Variants in ELMO1 observed in about 807,000 individuals in gnomAD.
The protein encoded by ELMO1 is engulfment and cell motility protein 1.
A neutral mutation model predicts 98.9 loss-of-function variants in ELMO1; 26 were observed. The ratio of observed to expected loss-of-function variants is 0.26; its 90% CI spans 0.19 to 0.36. The LOEUF is 0.36. Among genes scored for constraint, ELMO1 ranks in the 10% least tolerant of loss-of-function variants. The probability of loss-of-function intolerance (pLI) is 1.00; values close to 1 mark genes in which losing one functional copy is unlikely to be tolerated. For synonymous variants in ELMO1, 346 were observed against 346.0 expected (o/e 1.00, Z 0.00); for missense variants, 627 against 935.2 (o/e 0.67, Z 4.30).
intron 1 of ELMO1, among the ~76,000 whole-genome samples, chr7:37,438,431 CAAAAAAAAAA>C (rs543852959): frequency 8.2e-6 from 1 of 122,564 alleles, no homozygotes; most frequent in East Asian, 2.4e-4. Flanking sequence ...ACTAAAAATA[CAAAAAAAAAA>C]AAAAAAAAAT....
intron 7 of ELMO1, among the ~76,000 whole-genome samples, chr7:37,243,267 C>A (rs989068528): frequency 2.0e-5 from 3 of 152,178 alleles, no homozygotes; most frequent in Non-Finnish European, 2.9e-5. Context: ...TTTGCAAATT[C>A]TGTTAAGTAG....
intron 15 of ELMO1, among the ~76,000 whole-genome samples, chr7:37,018,647 TTG>T (rs1365817335): frequency 5.3e-5 from 8 of 150,838 alleles, no homozygotes; most frequent in Admixed American, 1.3e-4. Flanking sequence ...TGGCTAATTT[TTG>T]TGTTTTTAGT....
intron 15 of ELMO1, among the ~76,000 whole-genome samples, chr7:37,048,833 ATAGT>A (rs1255953190): frequency 6.6e-6 from 1 of 152,176 alleles, no homozygotes; most frequent in African/African-American, 2.4e-5. Flanking sequence ...ACCTATTTGG[ATAGT>A]TAAAGTTCAG....
At chr7:37,065,397 C>T (rs994482338) in intron 15 of ELMO1, among the ~76,000 whole-genome samples, 4 of 152,170 alleles carry the variant, frequency 2.6e-5, no homozygotes, top group African/African-American at 7.2e-5. Flanking sequence ...ATGAGAACTG[C>T]GCTAGCTAAG....
At chr7:37,359,655 C>T (rs144041808) in intron 1 of ELMO1, among the ~76,000 whole-genome samples, 6 of 152,304 alleles carry the variant, frequency 3.9e-5, no homozygotes, top group South Asian at 2.1e-4. Flanking sequence ...CTAGCCCATC[C>T]GAAGGCAGTG....
intron 4 of ELMO1, among the ~76,000 whole-genome samples, chr7:37,290,583 G>C (rs1393113419): frequency 6.6e-6 from 1 of 152,058 alleles, no homozygotes. Context: ...AAAATTCTGA[G>C]GTACCTAGGC....
intron 11 of ELMO1, among the ~76,000 whole-genome samples, chr7:37,215,739 T>C (rs896041241): frequency 6.6e-6 from 1 of 152,248 alleles, no homozygotes; most frequent in African/African-American, 2.4e-5. Context: ...TCCTTGGGCT[T>C]CCCCTGCCTC....
intron 1 of ELMO1, among the ~76,000 whole-genome samples, chr7:37,366,167 A>G (rs73693514): frequency 0.017 from 2,521 of 152,314 alleles, 65 homozygotes; most frequent in African/African-American, 0.056. Context: ...CTCGATTTCT[A>G]TAGCATGTAT....
chr7:36,990,377 T>A (rs191554102), intron 16 of ELMO1, among the ~76,000 whole-genome samples: 1 of 152,294 alleles, frequency 6.6e-6, no homozygotes, highest in Non-Finnish European at 1.5e-5. Flanking sequence ...ATACACCTAA[T>A]GGACTTGTAC....
intron 1 of ELMO1, among the ~76,000 whole-genome samples, chr7:37,444,523 T>A (rs1413611803): frequency 6.6e-6 from 1 of 152,106 alleles, no homozygotes; most frequent in Non-Finnish European, 1.5e-5. Flanking sequence ...AGTGGCATTT[T>A]TTTTTTTGAG....
At position 37,433,791 on chromosome 7, in the gene ELMO1, C is replaced by T. The variant is rs552253488; in HGVS notation, c.-74+14884G>A. Among the ~76,000 whole-genome samples the T allele has an allele frequency of 3.3e-5, 5 of 152,188 alleles. No homozygotes were observed. In the East Asian group the frequency reaches 9.7e-4, roughly 30 times the overall value. ...CCCTGAAAACAATTCCCTATTTTGG[C>T]AGTCATGAACTAGTTTCTCCCCTGT... On this transcript the variant is annotated intron_variant, in intron 1 of 21. Transcript: ENST00000310758.
chr7:37,445,892 T>C (rs1805593345), intron 1 of ELMO1, among the ~76,000 whole-genome samples: 1 of 152,124 alleles, frequency 6.6e-6, no homozygotes, highest in African/African-American at 2.4e-5. Context: ...CAGACTTCTT[T>C]AAAAGACCTT....
At chr7:37,271,594 C>T (rs1267113772) in intron 5 of ELMO1, 1 of 464,322 alleles carries the variant, frequency 2.2e-6, no homozygotes, top group African/African-American at 2.0e-5. Flanking sequence ...GAATTCAAAG[C>T]TATCCTGGGC....
At chr7:36,954,873 G>A (rs986844455) in intron 16 of ELMO1, among the ~76,000 whole-genome samples, 24 of 152,290 alleles carry the variant, frequency 1.6e-4, no homozygotes, top group African/African-American at 5.8e-4. Context: ...TTCTGGAGAT[G>A]GTTCCCAATA....
At chr7:37,091,873 A>C (rs1198476089) in intron 15 of ELMO1, among the ~76,000 whole-genome samples, 1 of 152,130 alleles carries the variant, frequency 6.6e-6, no homozygotes, top group Non-Finnish European at 1.5e-5. Context: ...AAACCATCAG[A>C]TCTCGTGAGA....
At chr7:37,238,000 C>A (rs1283233785) in intron 7 of ELMO1, among the ~76,000 whole-genome samples, 1 of 152,158 alleles carries the variant, frequency 6.6e-6, no homozygotes, top group Non-Finnish European at 1.5e-5. Context: ...TATTGTTGAT[C>A]ATTTTGGCTA....
At position 37,206,542 on chromosome 7, in the gene ELMO1, C is replaced by G. The variant is rs150700910; in HGVS notation, c.1086+4844G>C. Among the ~76,000 whole-genome samples the G allele has an allele frequency of 2.6e-3, 399 of 152,248 alleles. 3 individuals are homozygous for G. The highest frequency in any genetic ancestry group is 6.8e-3 in the Middle Eastern group (2 of 294). ...TTTCATTCCCTGCCATCTCTATTTG[C>G]TGAAAAAATATTATTAAGATGACAC... On this transcript the variant is annotated intron_variant, in intron 13 of 21. Coordinates refer to ENST00000310758, the MANE Select transcript of ELMO1 (RefSeq NM_014800.11).
chr7:37,221,989 C>T (rs1197780585), intron 10 of ELMO1, among the ~76,000 whole-genome samples: 1 of 152,188 alleles, frequency 6.6e-6, no homozygotes, highest in African/African-American at 2.4e-5. Context: ...TGAGCCACCG[C>T]ACCCGGCTCT....
At chr7:37,189,803 C>A (rs1791459262) in intron 13 of ELMO1, among the ~76,000 whole-genome samples, 1 of 152,178 alleles carries the variant, frequency 6.6e-6, no homozygotes, top group South Asian at 2.1e-4. Context: ...TTCACCACAT[C>A]ATACGATAAT....
Sources: gnomAD v4.1 joint callset for allele counts (sites outside exome capture counted in the v4.1 genomes callset) on GRCh38, gnomAD v4.1.1 for gene constraint, MANE v1.5 for transcripts, NCBI Gene and HGNC (gene_info 2026-07-23, HGNC 2026-07-21) for gene names.